CAMK2D: variants seen among roughly 807,000 people sequenced by gnomAD.
CAMK2D encodes calcium/calmodulin-dependent protein kinase type II subunit delta.
CAMK2D carries 37 observed loss-of-function variants against 84.0 expected under a neutral mutation model. The observed-to-expected ratio is 0.44, with a 90% CI of 0.34 to 0.58. CAMK2D has a LOEUF of 0.58. Among genes scored for constraint, CAMK2D ranks in the 20% least tolerant of loss-of-function variants. The pLI is 0.02. For missense variants in CAMK2D, 448 were observed against 652.5 expected, an observed-to-expected ratio of 0.69 and a Z score of 3.41; for synonymous variants, 202 against 212.5, an observed-to-expected ratio of 0.95 and a Z score of 0.43.
chr4:113,546,042 G>A (rs1015920557), intron 6 of CAMK2D, among the ~76,000 whole-genome samples: 2 of 152,096 alleles, frequency 1.3e-5, no homozygotes, highest in African/African-American at 2.4e-5. Flanking sequence ...CCTGTATTAC[G>A]ATTCCACAAA....
intron 3 of CAMK2D, among the ~76,000 whole-genome samples, chr4:113,633,827 A>G (rs543762693): frequency 5.9e-5 from 9 of 152,326 alleles, no homozygotes; most frequent in Admixed American, 2.6e-4. Context: ...TGTGTCTGCT[A>G]AACAAGACAA....
Position 113,661,767 on chromosome 4 carries a change from G to T in CAMK2D, c.166C>A (p.Gln56Lys). ...NTKKLSARDH[Q>K]KLEREARICR... ...ATTCTAGCTTCTCTTTCTAGTTTCT[G>T]ATGATCTGTTAAAAAAAAAAACAGA... Residue 56 changes from glutamine (Q) to lysine (K), a missense_variant, in exon 3 of 21, where the codon CAG becomes AAG. Coordinates refer to ENST00000511664, the MANE Select transcript of CAMK2D (RefSeq NM_001321571.2). 6.8e-7 allele frequency: 1 copy of T among 1,472,426 alleles called. No homozygotes were observed. The highest frequency in any genetic ancestry group is 9.2e-7 in the Non-Finnish European group (1 of 1,085,068). The allele number at this position is 1,472,426 out of a possible 1,614,324, so 91.2% of individuals were successfully genotyped here.
intron 2 of CAMK2D, among the ~76,000 whole-genome samples, chr4:113,722,708 A>T (rs564263232): frequency 6.6e-6 from 1 of 152,310 alleles, no homozygotes; most frequent in East Asian, 1.9e-4. Flanking sequence ...ATGTACGGTC[A>T]TGCAGCCAGA....
chr4:113,577,235 T>C (rs915341378), intron 4 of CAMK2D, among the ~76,000 whole-genome samples: 6 of 152,182 alleles, frequency 3.9e-5, no homozygotes, highest in African/African-American at 1.4e-4. Flanking sequence ...TCAGCTTAAC[T>C]AGAACATCTC....
intron 10 of CAMK2D, among the ~76,000 whole-genome samples, chr4:113,514,606 T>C (rs757808304): frequency 1.3e-5 from 2 of 152,232 alleles, no homozygotes; most frequent in Non-Finnish European, 2.9e-5. Flanking sequence ...AATTTCACAC[T>C]ATTCTTCTTA....
At chr4:113,493,896 T>C (rs1196902703) in intron 16 of CAMK2D, among the ~76,000 whole-genome samples, 3 of 152,222 alleles carry the variant, frequency 2.0e-5, no homozygotes, top group South Asian at 2.1e-4. Context: ...ATTCATTTCA[T>C]CTTCCATCAC....
At chr4:113,698,671 C>T (rs2099409923) in intron 2 of CAMK2D, among the ~76,000 whole-genome samples, 1 of 152,096 alleles carries the variant, frequency 6.6e-6, no homozygotes, top group African/African-American at 2.4e-5. Flanking sequence ...CCACCCCTGG[C>T]TCCTTTAATC....
intron 4 of CAMK2D, among the ~76,000 whole-genome samples, chr4:113,586,875 G>C (rs202106065): frequency 8.9e-4 from 136 of 152,084 alleles, no homozygotes; most frequent in Non-Finnish European, 1.4e-3. Flanking sequence ...AAAAGAACAG[G>C]GTCATGGAAC....
intron 4 of CAMK2D, among the ~76,000 whole-genome samples, chr4:113,566,851 C>A (rs184117845): frequency 6.6e-6 from 1 of 152,184 alleles, no homozygotes; most frequent in Non-Finnish European, 1.5e-5. Flanking sequence ...CCAAATATCA[C>A]CCTGTTTTCT....
intron 4 of CAMK2D, among the ~76,000 whole-genome samples, chr4:113,591,258 C>T (rs981265177): frequency 6.6e-6 from 1 of 151,722 alleles, no homozygotes; most frequent in African/African-American, 2.4e-5. Flanking sequence ...ATTGCATTAA[C>T]TGTTGTCAAT....
intron 8 of CAMK2D, among the ~76,000 whole-genome samples, chr4:113,528,957 T>A (rs2098440090): frequency 6.6e-6 from 1 of 152,180 alleles, no homozygotes; most frequent in Admixed American, 6.6e-5. Flanking sequence ...GAAGATACTC[T>A]CAGGTAGGTA....
chr4:113,710,262 T>A (rs2099487913), intron 2 of CAMK2D, among the ~76,000 whole-genome samples: 1 of 152,068 alleles, frequency 6.6e-6, no homozygotes, highest in African/African-American at 2.4e-5. Flanking sequence ...ACCAGCCCAG[T>A]GAAAAAGGAC....
intron 2 of CAMK2D, among the ~76,000 whole-genome samples, chr4:113,716,467 T>C (rs573021916): frequency 6.6e-6 from 1 of 152,026 alleles, no homozygotes; most frequent in South Asian, 2.1e-4. Context: ...CTCACCAACA[T>C]GGCAAAACCC....
At position 113,542,013 on chromosome 4, in the gene CAMK2D, T is replaced by C. The variant is rs143897858; in HGVS notation, c.415-4570A>G. Reference sequence around the variant, plus strand: ...GATGTATGTGCTATAAGTTTGCAATTAGGAAGTACTCTTTCTATTGCTATG... The same window carrying C: ...GATGTATGTGCTATAAGTTTGCAATCAGGAAGTACTCTTTCTATTGCTATG... On this transcript the variant is annotated intron_variant, in intron 6 of 20. Transcript: ENST00000511664. Among the ~76,000 whole-genome samples, 314 of 152,314 alleles carry C rather than the reference T, an allele frequency of 2.1e-3. 3 individuals carry two copies. The highest frequency in any genetic ancestry group is 7.2e-3 in the African/African-American group (299 of 41,562).
At chr4:113,485,343 C>T (rs2097755932) in intron 16 of CAMK2D, among the ~76,000 whole-genome samples, 2 of 152,198 alleles carry the variant, frequency 1.3e-5, no homozygotes, top group African/African-American at 4.8e-5. Context: ...GCGCTTTTAA[C>T]AGGGCTTGGC....
Position 113,665,009 on chromosome 4 carries a change from G to A in CAMK2D, c.161-3237C>T, listed in dbSNP as rs990385013. 4.6e-4 allele frequency among the ~76,000 whole-genome samples: 70 copies of A among 152,254 alleles called. 1 individual carries two copies. The highest frequency in any genetic ancestry group is 1.6e-3 in the African/African-American group (68 of 41,550). On this transcript the variant is annotated intron_variant, in intron 2 of 20. Coordinates refer to ENST00000511664, the MANE Select transcript of CAMK2D (RefSeq NM_001321571.2). ...GGTAGAGATGTGGTTTCACCATGTT[G>A]GCCAGGCTGGTTTCAAACTCCTGAC... is the stretch of plus-strand genomic sequence containing the variant.
chr4:113,539,922 T>C (rs1264530573), intron 6 of CAMK2D, among the ~76,000 whole-genome samples: 1 of 152,172 alleles, frequency 6.6e-6, no homozygotes, highest in Non-Finnish European at 1.5e-5. Context: ...CTAAAAAATT[T>C]AGGATGATGA....
At chr4:113,666,575 A>G (rs573913362) in intron 2 of CAMK2D, among the ~76,000 whole-genome samples, 1 of 152,100 alleles carries the variant, frequency 6.6e-6, no homozygotes, top group East Asian at 1.9e-4. Context: ...AAATACACAC[A>G]CATGCATGCA....
In CAMK2D at chr4:113,703,206, G is replaced by C. The variant is rs539196901; in HGVS notation, c.161-41434C>G. Among the ~76,000 whole-genome samples the C allele has an allele frequency of 2.3e-3, 352 of 152,310 alleles. 1 individual carries two copies. The highest frequency in any genetic ancestry group is 7.9e-3 in the African/African-American group (328 of 41,562). ...AGGATTGAATTTTCACCCTCAAGTA[G>C]TCGAGGGTTCAGTGAGTGATACAGA... On this transcript the variant is annotated intron_variant, in intron 2 of 20. Transcript: ENST00000511664.
Sources: allele counts gnomAD v4.1 joint callset (sites outside exome capture counted in the v4.1 genomes callset), GRCh38; gene constraint gnomAD v4.1.1; transcripts MANE v1.5; gene names NCBI Gene and HGNC (gene_info 2026-07-23, HGNC 2026-07-21).